Variants in ACCSL observed in about 807,000 individuals in gnomAD.
ACCSL encodes the protein 1-aminocyclopropane-1-carboxylate synthase homolog (inactive) like.
ACCSL carries 55 observed loss-of-function variants against 61.7 expected under a neutral mutation model. The ratio of observed to expected loss-of-function variants is 0.89; its 90% CI spans 0.72 to 1.12. ACCSL has a LOEUF of 1.12. ACCSL is among the 50% of genes most tolerant of loss of function. ACCSL has a pLI of 0.00. For synonymous variants in ACCSL, 258 were observed against 264.3 expected (o/e 0.98, Z 0.23); for missense variants, 632 against 698.0 (o/e 0.91, Z 1.07).
At chr11:43,934,072 C>G in the ACCSL span, among the ~76,000 whole-genome samples, 2 of 152,072 alleles carry the variant, frequency 1.3e-5, no homozygotes, top group African/African-American at 4.8e-5. Flanking sequence ...CTCCCTCCCT[C>G]CCTCTCTCCC....
At chr11:44,019,382 C>T in the ACCSL span, among the ~76,000 whole-genome samples, 1 of 152,194 alleles carries the variant, frequency 6.6e-6, no homozygotes, top group African/African-American at 2.4e-5. Context: ...CATCATTTTA[C>T]AATCCAACCA....
chr11:44,047,084 G>C (rs1952603093), upstream of ACCSL, among the ~76,000 whole-genome samples: 1 of 152,164 alleles, frequency 6.6e-6, no homozygotes, highest in African/African-American at 2.4e-5. Context: ...TGCTAGAAAT[G>C]AGGATTCTCA....
the ACCSL span, among the ~76,000 whole-genome samples, chr11:43,938,145 C>T: frequency 6.6e-6 from 1 of 152,196 alleles, no homozygotes; most frequent in Non-Finnish European, 1.5e-5. Context: ...CCATCTCTGT[C>T]ACAGTCTGTC....
chr11:44,040,875 G>A, the ACCSL span, among the ~76,000 whole-genome samples: 1 of 152,172 alleles, frequency 6.6e-6, no homozygotes, highest in African/African-American at 2.4e-5. Flanking sequence ...GAGGCCTTAA[G>A]GAGGAATGTT....
At chr11:43,930,716 A>T in the ACCSL span, among the ~76,000 whole-genome samples, 1 of 152,334 alleles carries the variant, frequency 6.6e-6, no homozygotes, top group Non-Finnish European at 1.5e-5. Context: ...GTAGTCCTTT[A>T]TAGCTATGCA....
chr11:43,972,234 T>C, the ACCSL span, among the ~76,000 whole-genome samples: 1 of 152,020 alleles, frequency 6.6e-6, no homozygotes, highest in East Asian at 1.9e-4. Context: ...AAGGAAGGGG[T>C]CTGTTTCCAA....
the ACCSL span, among the ~76,000 whole-genome samples, chr11:43,986,297 A>ACCCCAC: frequency 1.4e-4 from 9 of 64,226 alleles, no homozygotes; most frequent in South Asian, 4.7e-3. Flanking sequence ...TTTTTCTCCC[A>ACCCCAC]CCCCACCCCC....
At chr11:44,044,407 G>C (rs569592297), upstream of ACCSL, among the ~76,000 whole-genome samples, 3 of 152,258 alleles carry the variant, frequency 2.0e-5, no homozygotes, top group African/African-American at 7.2e-5. Context: ...ACATCCTACA[G>C]TTAGTGAGCA....
chr11:44,036,998 G>A, the ACCSL span, among the ~76,000 whole-genome samples: 1 of 152,114 alleles, frequency 6.6e-6, no homozygotes, highest in Non-Finnish European at 1.5e-5. Flanking sequence ...CCAGAGAACT[G>A]AAGTCAAGGG....
At chr11:43,982,441 T>C in the ACCSL span, among the ~76,000 whole-genome samples, 1 of 151,926 alleles carries the variant, frequency 6.6e-6, no homozygotes, top group Admixed American at 6.6e-5. Context: ...TTGGCCAGGG[T>C]GGTCTTGAAC....
At position 44,053,489 on chromosome 11, in the gene ACCSL, C is replaced by A; in HGVS notation, c.1032C>A (p.Tyr344Ter). Residue 344 changes from tyrosine (Y) to a stop codon, truncating the protein, a stop_gained, in exon 8 of 14, where the codon TAC (tyrosine) becomes TAA (stop). Transcript: ENST00000378832. LOFTEE classifies it high-confidence loss of function. ...DIYSPDSLMK[Y>*]LEFAKRYNLH... ...ACTCCCCAGACTCACTGATGAAATACCTGGAATTTGCCAAGAGGTATGAGT... is the reference window on the plus strand; with the variant it reads ...ACTCCCCAGACTCACTGATGAAATAACTGGAATTTGCCAAGAGGTATGAGT... The A allele has an allele frequency of 6.2e-7, 1 of 1,614,032 alleles. No individual in the cohort carries two copies. Among genetic ancestry groups the A allele is most frequent in the Non-Finnish European group, 8.5e-7 (1 of 1,179,964 alleles).
At chr11:43,988,946 C>T in the ACCSL span, among the ~76,000 whole-genome samples, 239 of 151,742 alleles carry the variant, frequency 1.6e-3, no homozygotes, top group Middle Eastern at 0.01. Flanking sequence ...CCCCAAACTT[C>T]CTACTGCTGT....
the ACCSL span, chr11:43,995,492 G>A: frequency 6.6e-6 from 1 of 152,290 alleles, no homozygotes; most frequent in Admixed American, 6.5e-5. Context: ...AGAAGGCAAA[G>A]TGAGTGCAAA....
At chr11:43,923,624 A>G in the ACCSL span, among the ~76,000 whole-genome samples, 4 of 152,262 alleles carry the variant, frequency 2.6e-5, no homozygotes, top group South Asian at 8.3e-4. Context: ...AAATGACTTC[A>G]GTGTTTATTT....
At chr11:44,005,568 C>A in the ACCSL span, among the ~76,000 whole-genome samples, 1 of 152,012 alleles carries the variant, frequency 6.6e-6, no homozygotes, top group Non-Finnish European at 1.5e-5. Flanking sequence ...GAATGCACAG[C>A]GGGTTTGGGG....
At chr11:43,971,474 G>T in the ACCSL span, 1 of 151,942 alleles carries the variant, frequency 6.6e-6, no homozygotes, top group African/African-American at 2.4e-5. Flanking sequence ...GGGAGGAAGT[G>T]TCTTGCCCAA....
chr11:44,036,136 C>T, the ACCSL span, among the ~76,000 whole-genome samples: 5 of 152,264 alleles, frequency 3.3e-5, no homozygotes, highest in East Asian at 1.9e-4. Context: ...AACTGGCCTT[C>T]GGCCCCCGCT....
chr11:44,019,842 ATCTACT>A, the ACCSL span, among the ~76,000 whole-genome samples: 2 of 152,136 alleles, frequency 1.3e-5, no homozygotes, highest in Non-Finnish European at 2.9e-5. Flanking sequence ...GCTCACGAAA[ATCTACT>A]TCTATGTTTT....
At chr11:44,004,052 G>C in the ACCSL span, among the ~76,000 whole-genome samples, 2 of 152,170 alleles carry the variant, frequency 1.3e-5, no homozygotes, top group Non-Finnish European at 2.9e-5. Flanking sequence ...CAGATGCCCA[G>C]AATGAGGTAT....
Sources: gnomAD v4.1 joint callset for allele counts (sites outside exome capture counted in the v4.1 genomes callset) on GRCh38, gnomAD v4.1.1 for gene constraint, MANE v1.5 for transcripts, NCBI Gene and HGNC (gene_info 2026-07-23, HGNC 2026-07-21) for gene names.